The following RGS7 variants were observed in gnomAD, a reference collection of about 807,000 sequenced individuals.
RGS7 encodes regulator of G protein signaling 7, also known as regulator of G-protein signaling 7.
In RGS7, 27 loss-of-function variants were observed where a neutral mutation model predicts 81.1. The observed-to-expected ratio is 0.33, with a 90% CI of 0.25 to 0.46. The LOEUF is 0.46. Ranked by LOEUF, RGS7 falls within the 20% of genes least tolerant of loss-of-function variation. The pLI is 1.00. For synonymous variants in RGS7, 208 were observed against 207.7 expected, an observed-to-expected ratio of 1.00 and a Z score of -0.01; for missense variants, 396 against 607.4, an observed-to-expected ratio of 0.65 and a Z score of 3.66.
intron 3 of RGS7, among the ~76,000 whole-genome samples, chr1:240,985,794 A>G (rs1246198164): frequency 7.2e-5 from 11 of 152,102 alleles, no homozygotes; most frequent in African/African-American, 2.7e-4. Flanking sequence ...GAAAGAGGAA[A>G]AAAATCCAGT....
chr1:240,982,992 C>T (rs1210179301), intron 4 of RGS7, 87 bp downstream of exon 4: 6 of 732,840 alleles, frequency 8.2e-6, no homozygotes, highest in Admixed American at 2.2e-5. Context: ...GGTTTGCTTG[C>T]GTGCCATATT....
At chr1:241,023,483 G>C (rs974549060) in intron 3 of RGS7, among the ~76,000 whole-genome samples, 26 of 152,166 alleles carry the variant, frequency 1.7e-4, no homozygotes, top group African/African-American at 6.3e-4. Flanking sequence ...AATTGTCCTA[G>C]TTGTAAAACT....
intron 3 of RGS7, among the ~76,000 whole-genome samples, chr1:241,018,062 G>T (rs375067815): frequency 1.7e-4 from 25 of 151,396 alleles, no homozygotes; most frequent in African/African-American, 5.6e-4. Flanking sequence ...CATCTCTCAG[G>T]TTCAAGTGAT....
intron 3 of RGS7, among the ~76,000 whole-genome samples, chr1:241,093,737 T>C (rs2064050374): frequency 1.3e-5 from 2 of 152,210 alleles, no homozygotes; most frequent in Non-Finnish European, 1.5e-5. Flanking sequence ...TCTGCATTCC[T>C]AAGACCTTCT....
chr1:241,180,800 C>G (rs1025498599), intron 2 of RGS7, among the ~76,000 whole-genome samples: 3 of 152,214 alleles, frequency 2.0e-5, no homozygotes, highest in Admixed American at 2.0e-4. Context: ...GCACGGGAGT[C>G]AAGAGCTCTC....
At chr1:241,007,494 A>G (rs1324564115) in intron 3 of RGS7, among the ~76,000 whole-genome samples, 2 of 152,206 alleles carry the variant, frequency 1.3e-5, no homozygotes, top group Non-Finnish European at 2.9e-5. Flanking sequence ...TTTTGACTGC[A>G]TGGGAGTTGG....
chr1:240,903,645 C>G (rs1159658989), intron 6 of RGS7, among the ~76,000 whole-genome samples: 2 of 152,154 alleles, frequency 1.3e-5, no homozygotes, highest in Admixed American at 1.3e-4. Flanking sequence ...GTTTGGATAT[C>G]TGACCCCTCC....
At chr1:240,867,208 A>G (rs977664941) in intron 9 of RGS7, among the ~76,000 whole-genome samples, 1 of 152,222 alleles carries the variant, frequency 6.6e-6, no homozygotes, top group African/African-American at 2.4e-5. Flanking sequence ...TTTAACAATT[A>G]CATTGCTATC....
At chr1:241,198,012 G>C (rs2073212429) in intron 2 of RGS7, among the ~76,000 whole-genome samples, 1 of 151,740 alleles carries the variant, frequency 6.6e-6, no homozygotes, top group African/African-American at 2.4e-5. Context: ...GAAATGTGAA[G>C]TATATTTTCC....
At chr1:241,092,030 T>C (rs1441109607) in intron 3 of RGS7, among the ~76,000 whole-genome samples, 1 of 152,222 alleles carries the variant, frequency 6.6e-6, no homozygotes. Context: ...ATTTATTATA[T>C]AATGCACCTA....
chr1:241,133,321 ATT>A (rs1278541516), intron 2 of RGS7, among the ~76,000 whole-genome samples: 1 of 152,014 alleles, frequency 6.6e-6, no homozygotes, highest in African/African-American at 2.4e-5. Flanking sequence ...ATTTCAAATA[ATT>A]TTTGAAAATA....
intron 3 of RGS7, among the ~76,000 whole-genome samples, chr1:240,994,463 C>T (rs1686969368): frequency 6.6e-6 from 1 of 152,044 alleles, no homozygotes; most frequent in South Asian, 2.1e-4. Flanking sequence ...TTTCAGCATC[C>T]ACATGTTCAC....
chr1:240,932,876 CTTT>C (rs36194238), intron 5 of RGS7, among the ~76,000 whole-genome samples: 1,084 of 57,012 alleles, frequency 0.019, 2 homozygotes, highest in African/African-American at 0.064. Flanking sequence ...TGGTATCTTT[CTTT>C]TTTTTTTTTT....
At chr1:241,200,663 C>A (rs2073433925) in intron 2 of RGS7, among the ~76,000 whole-genome samples, 1 of 152,162 alleles carries the variant, frequency 6.6e-6, no homozygotes, top group African/African-American at 2.4e-5. Flanking sequence ...TGCAGGCAAC[C>A]AAAACCGTCT....
chr1:240,937,733 A>C (rs906880290), intron 4 of RGS7, among the ~76,000 whole-genome samples: 1 of 152,200 alleles, frequency 6.6e-6, no homozygotes, highest in Non-Finnish European at 1.5e-5. Context: ...GTTTCTAATG[A>C]TATGGACCAT....
intron 4 of RGS7, among the ~76,000 whole-genome samples, chr1:240,979,170 C>A (rs1027376012): frequency 3.9e-5 from 6 of 152,048 alleles, no homozygotes; most frequent in Non-Finnish European, 7.4e-5. Flanking sequence ...TACATATAAT[C>A]CTAATAAACT....
intron 2 of RGS7, among the ~76,000 whole-genome samples, chr1:241,110,545 G>A (rs2065439019): frequency 6.6e-6 from 1 of 152,142 alleles, no homozygotes; most frequent in African/African-American, 2.4e-5. Context: ...GAAGATGCCT[G>A]GGATTTAGCT....
chr1:241,063,098 C>A (rs954427853), intron 3 of RGS7, among the ~76,000 whole-genome samples: 10 of 152,138 alleles, frequency 6.6e-5, no homozygotes, highest in Non-Finnish European at 1.0e-4. Flanking sequence ...TTGATGTTTG[C>A]TTTGTTTGGT....
chr1:240,990,621 C>T (rs539389662), intron 3 of RGS7, among the ~76,000 whole-genome samples: 12 of 152,310 alleles, frequency 7.9e-5, no homozygotes, highest in Non-Finnish European at 1.2e-4. Context: ...GATTTTTATA[C>T]ATCAGGTATA....
Sources: allele counts gnomAD v4.1 joint callset (sites outside exome capture counted in the v4.1 genomes callset), GRCh38; gene constraint gnomAD v4.1.1; transcripts MANE v1.5; gene names NCBI Gene and HGNC (gene_info 2026-07-23, HGNC 2026-07-21).